Variants in NEO1 observed in about 807,000 individuals in gnomAD.
NEO1 encodes the protein neogenin 1.
NEO1 carries 63 observed loss-of-function variants against 159.7 expected under a neutral mutation model. That is an observed-to-expected ratio of 0.39 (90% CI 0.32 to 0.49). The LOEUF is 0.49. NEO1 is among the 20% of genes least tolerant of loss of function. The probability of loss-of-function intolerance (pLI) is 0.85; values close to 1 mark genes in which losing one functional copy is unlikely to be tolerated. For missense variants in NEO1, 1,615 were observed against 1,831.0 expected, an observed-to-expected ratio of 0.88 and a Z score of 2.15; for synonymous variants, 633 against 662.0, an observed-to-expected ratio of 0.96 and a Z score of 0.67.
At chr15:73,266,486 C>T in intron 16 of NEO1, 75 bp downstream of exon 16, 2 of 1,053,788 alleles carry the variant, frequency 1.9e-6, no homozygotes. Flanking sequence ...TGAGGCCTAT[C>T]CCATAGGTGT....
Position 73,260,345 on chromosome 15 carries a change from C to T in NEO1, c.2278C>T (p.Pro760Ser), listed in dbSNP as rs562576846. The stretch of plus-strand genomic sequence containing the variant: ...TACTAGCATCGTAGTGAGCTGGACT[C>T]CTCCAGAGAATCAGAACATTGTGGT... ...LVTSIVVSWT[P>S]PENQNIVVRG... The change falls in exon 15 of 29, where the codon CCT (proline) becomes TCT (serine). Residue 760 changes from proline to serine, a missense_variant. By Grantham distance (74) the Pro-to-Ser change is moderately conservative. Transcript: ENST00000261908. 1.2e-6 allele frequency: 2 copies of T among 1,614,016 alleles called. No individual in the cohort carries two copies. Among genetic ancestry groups the T allele is most frequent in the South Asian group, 2.2e-5 (2 of 91,068 alleles).
chr15:73,260,925 T>TGAAC (rs1399970980), intron 15 of NEO1, among the ~76,000 whole-genome samples: 1 of 152,200 alleles, frequency 6.6e-6, no homozygotes, highest in Admixed American at 6.5e-5. Context: ...CCCATTACAC[T>TGAAC]TTCACTCCCT....
intron 22 of NEO1, among the ~76,000 whole-genome samples, chr15:73,279,022 C>CCT (rs1221360606): frequency 6.6e-6 from 1 of 152,158 alleles, no homozygotes; most frequent in Non-Finnish European, 1.5e-5. Context: ...ATGAGAGAAA[C>CCT]GCCTGTCCCC....
chr15:73,254,797 T>A lies in NEO1; in HGVS notation c.2060T>A (p.Val687Glu). ...AAGAGTGATGTCACTGAGACCTTGG[T>A]AAGCGGGACACAGCTGTCTCAGCTG... ...SRKSDVTETL[V>E]SGTQLSQLIE... is the part of the protein sequence containing the mutation. Residue 687 changes from valine (V) to glutamate (E), a missense_variant, in exon 13 of 29, where the codon GTA (valine) becomes GAA (glutamate). Coordinates refer to ENST00000261908, the MANE Select transcript of NEO1 (RefSeq NM_002499.4). 1.2e-6 allele frequency: 2 copies of A among 1,614,074 alleles called. No individual in the cohort carries two copies. The highest frequency in any genetic ancestry group is 1.7e-6 in the Non-Finnish European group (2 of 1,179,972).
intron 1 of NEO1, among the ~76,000 whole-genome samples, chr15:73,066,786 TG>T (rs755458445): frequency 2.6e-5 from 4 of 152,224 alleles, no homozygotes; most frequent in Non-Finnish European, 5.9e-5. Context: ...CCTTAGGGCT[TG>T]GGTCTGTCGA....
intron 5 of NEO1, among the ~76,000 whole-genome samples, chr15:73,142,549 G>A (rs1883283082): frequency 6.6e-6 from 1 of 152,010 alleles, no homozygotes; most frequent in South Asian, 2.1e-4. Context: ...AGAGGTCCCC[G>A]CTGGCCCAGG....
At chr15:73,089,921 A>G (rs1034276283) in intron 1 of NEO1, among the ~76,000 whole-genome samples, 2 of 152,054 alleles carry the variant, frequency 1.3e-5, no homozygotes, top group Non-Finnish European at 2.9e-5. Context: ...TAGCCCTCCT[A>G]CATAGGATGA....
Position 73,116,857 on chromosome 15 carries a change from G to T in NEO1, c.448G>T (p.Gly150Cys). The change falls in exon 2 of 29, where the codon GGT becomes TGT. Residue 150 changes from glycine to cysteine, a missense_variant and splice_region_variant. Transcript: ENST00000261908. ...ISRTAKLIVA[G>C]LPRFTSQPEP... ...TAGAACAGCGAAGCTCATAGTAGCAGGTAAGTTTTAAGTGATTTTTTTTTT... is the reference window on the plus strand; with the variant it reads ...TAGAACAGCGAAGCTCATAGTAGCATGTAAGTTTTAAGTGATTTTTTTTTT... The T allele has an allele frequency of 4.0e-6, 6 of 1,506,474 alleles. No individual in the cohort carries two copies. Among genetic ancestry groups the T allele is most frequent in the South Asian group, 2.6e-5 (2 of 75,728 alleles). The allele number at this position is 1,506,474 out of a possible 1,614,324, so 93.3% of individuals were successfully genotyped here. A position where few individuals can be genotyped will look rare whatever the true frequency, so the allele number is the denominator to read the frequency against.
intron 4 of NEO1, among the ~76,000 whole-genome samples, chr15:73,129,830 G>A (rs752460629): frequency 2.6e-5 from 4 of 152,102 alleles, no homozygotes; most frequent in Admixed American, 1.3e-4. Flanking sequence ...CCACTTCTGG[G>A]AAAATTGAGT....
chr15:73,076,568 G>A (rs2068777263), intron 1 of NEO1, among the ~76,000 whole-genome samples: 1 of 152,190 alleles, frequency 6.6e-6, no homozygotes, highest in Admixed American at 6.5e-5. Flanking sequence ...GGACCTCTGA[G>A]TGGTGTGGCA....
At chr15:73,072,168 C>G (rs180993815) in intron 1 of NEO1, among the ~76,000 whole-genome samples, 49 of 152,168 alleles carry the variant, frequency 3.2e-4, no homozygotes, top group African/African-American at 1.2e-3. Context: ...ACAGGCTGGT[C>G]TTGAACTCCT....
chr15:73,243,906 A>G (rs2039614392), intron 8 of NEO1, among the ~76,000 whole-genome samples: 1 of 152,116 alleles, frequency 6.6e-6, no homozygotes, highest in Non-Finnish European at 1.5e-5. Context: ...CATTCTTTTT[A>G]TTGAGAGTCT....
intron 16 of NEO1, 99 bp downstream of exon 16, chr15:73,266,510 G>C (rs1430256208): frequency 1.3e-6 from 1 of 786,452 alleles, no homozygotes; most frequent in Non-Finnish European, 1.9e-6. Flanking sequence ...GGAAGAAAAA[G>C]CATATGGCAG....
chr15:73,128,044 G>A (rs2030538164), intron 4 of NEO1, among the ~76,000 whole-genome samples: 1 of 152,074 alleles, frequency 6.6e-6, no homozygotes, highest in Non-Finnish European at 1.5e-5. Context: ...AGTGATCACT[G>A]GGGAAGATGG....
intron 1 of NEO1, among the ~76,000 whole-genome samples, chr15:73,088,724 C>T (rs1445441057): frequency 6.6e-6 from 1 of 151,814 alleles, no homozygotes; most frequent in Admixed American, 6.6e-5. Flanking sequence ...GCAGTAGTCT[C>T]AACACAAAAT....
chr15:73,066,193 T>C (rs2068210606), intron 1 of NEO1, among the ~76,000 whole-genome samples: 1 of 148,840 alleles, frequency 6.7e-6, no homozygotes, highest in South Asian at 2.2e-4. Context: ...AATTTTCTTA[T>C]TTTTTGTACG....
intron 4 of NEO1, among the ~76,000 whole-genome samples, chr15:73,128,729 C>T (rs982428318): frequency 6.6e-6 from 1 of 152,140 alleles, no homozygotes; most frequent in Admixed American, 6.5e-5. Context: ...TTTTATACAA[C>T]GTGTTAGATA....
chr15:73,303,843 GGA>G lies in NEO1; in HGVS notation c.*1150_*1151del, dbSNP rs1372794692. ...ATTCTGTAAATCAGAAAGCAAGGATGGAGACCCTTTCCTGCTGCTATTATTGG... is the reference window on the plus strand; with the variant it reads ...ATTCTGTAAATCAGAAAGCAAGGATGGACCCTTTCCTGCTGCTATTATTGG... On this transcript the variant is annotated 3_prime_UTR_variant, in exon 29 of 29. Coordinates refer to ENST00000261908, the MANE Select transcript of NEO1 (RefSeq NM_002499.4). The G allele has an allele frequency of 6.6e-6, 1 of 152,206 alleles. No individual in the cohort carries two copies. The highest frequency in any genetic ancestry group is 2.4e-5 in the African/African-American group (1 of 41,442). 9.4% of individuals were successfully genotyped at this position (152,206 alleles called of 1,614,324 possible).
chr15:73,081,586 T>C (rs1427705427), intron 1 of NEO1, among the ~76,000 whole-genome samples: 1 of 152,106 alleles, frequency 6.6e-6, no homozygotes. Context: ...TGTTTTGTTT[T>C]TTTTTTTCTG....
Sources: allele counts gnomAD v4.1 joint callset (sites outside exome capture counted in the v4.1 genomes callset), GRCh38; gene constraint gnomAD v4.1.1; transcripts MANE v1.5; gene names NCBI Gene and HGNC (gene_info 2026-07-23, HGNC 2026-07-21).